The following SLC2A9 variants were observed in gnomAD, a reference collection of about 807,000 sequenced individuals.
SLC2A9 encodes solute carrier family 2, facilitated glucose transporter member 9.
Under a neutral mutation model 50.6 loss-of-function variants are expected in SLC2A9, and 39 were observed. That is an observed-to-expected ratio of 0.77 (90% CI 0.60 to 1.01). The LOEUF (loss-of-function observed/expected upper bound fraction) is 1.01. Ranked by LOEUF, SLC2A9 falls within the 50% of genes least tolerant of loss-of-function variation. The pLI, the probability that SLC2A9 is intolerant of heterozygous loss-of-function variation, is 0.00. For synonymous variants in SLC2A9, 324 were observed against 276.9 expected (o/e 1.17, Z -1.69); for missense variants, 686 against 677.6 (o/e 1.01, Z -0.14).
intron 2 of SLC2A9, among the ~76,000 whole-genome samples, chr4:10,013,653 G>A (rs1469582046): frequency 6.6e-6 from 1 of 152,218 alleles, no homozygotes; most frequent in Non-Finnish European, 1.5e-5. Context: ...CGGCATTACA[G>A]AAAGTTTCCA....
At chr4:9,864,881 T>A (rs1287384920) in intron 10 of SLC2A9, among the ~76,000 whole-genome samples, 2 of 152,250 alleles carry the variant, frequency 1.3e-5, no homozygotes, top group Non-Finnish European at 2.9e-5. Flanking sequence ...AGGGAGATTA[T>A]CCTTGATTAT....
At chr4:9,853,926 A>G (rs1730344284) in intron 10 of SLC2A9, among the ~76,000 whole-genome samples, 2 of 152,222 alleles carry the variant, frequency 1.3e-5, no homozygotes, top group South Asian at 4.1e-4. Flanking sequence ...AGGCAAAAAT[A>G]AAGAAATTGA....
chr4:10,018,943 G>C, intron 2 of SLC2A9, 32 bp downstream of exon 2: 2 of 1,544,004 alleles, frequency 1.3e-6, no homozygotes, highest in Non-Finnish European at 1.8e-6. Flanking sequence ...CAGGGCCGCA[G>C]CGCCCTCTGC....
At chr4:9,952,040 C>T (rs1750380891) in intron 5 of SLC2A9, among the ~76,000 whole-genome samples, 1 of 152,128 alleles carries the variant, frequency 6.6e-6, no homozygotes, top group East Asian at 1.9e-4. Flanking sequence ...TGGAGTTGGC[C>T]CACCTCTGAG....
intron 7 of SLC2A9, among the ~76,000 whole-genome samples, chr4:9,916,996 A>G (rs1742968573): frequency 6.6e-6 from 1 of 152,144 alleles, no homozygotes; most frequent in African/African-American, 2.4e-5. Context: ...AGCTCTCTCC[A>G]GGTGAGGGGA....
intron 1 of SLC2A9, among the ~76,000 whole-genome samples, chr4:10,029,576 AT>A (rs1763867220): frequency 9.7e-5 from 5 of 51,542 alleles, no homozygotes; most frequent in South Asian, 6.5e-4. Flanking sequence ...TTTATTTTAT[AT>A]TTTTATTTTA....
chr4:9,973,653 T>C (rs946242544), intron 5 of SLC2A9, among the ~76,000 whole-genome samples: 9 of 133,126 alleles, frequency 6.8e-5, no homozygotes, highest in Non-Finnish European at 4.6e-5. Flanking sequence ...TAGGTGGGAA[T>C]TGAACAATGA....
chr4:9,853,400 C>CA (rs1455934557), intron 10 of SLC2A9, among the ~76,000 whole-genome samples: 1 of 152,094 alleles, frequency 6.6e-6, no homozygotes, highest in Non-Finnish European at 1.5e-5. Flanking sequence ...ATAAATAACA[C>CA]AAAGAAGTGC....
chr4:9,975,134 C>T (rs1754575253), intron 5 of SLC2A9, among the ~76,000 whole-genome samples: 1 of 152,150 alleles, frequency 6.6e-6, no homozygotes, highest in African/African-American at 2.4e-5. Flanking sequence ...AAATGAAAGA[C>T]CTCAAACTAT....
At chr4:9,935,932 T>G (rs1358955417) in intron 6 of SLC2A9, among the ~76,000 whole-genome samples, 3 of 152,162 alleles carry the variant, frequency 2.0e-5, no homozygotes, top group Admixed American at 2.0e-4. Context: ...TTAAGGGATT[T>G]TTGGGAGCTG....
At position 9,938,270 on chromosome 4, in the gene SLC2A9, A is replaced by ATTT. The variant is rs35270015; in HGVS notation, c.814+3640_814+3642dup. On this transcript the variant is annotated intron_variant, in intron 6 of 11. Transcript: ENST00000264784. ...ACCCATGGATTAATGATCTTTTGCT[A>ATTT]TTTTTTTTTTTTTTTTTTTGAGATG... 3.7e-3 allele frequency among the ~76,000 whole-genome samples: 437 copies of ATTT among 118,192 alleles called. 12 individuals carry two copies. Among genetic ancestry groups the ATTT allele is most frequent in the African/African-American group, 0.013 (408 of 30,256 alleles). The allele number at this position is 118,192 out of a possible 152,430, so 77.5% of individuals were successfully genotyped here. A position where few individuals can be genotyped will look rare whatever the true frequency, so the allele number is the denominator to read the frequency against.
At chr4:10,007,535 T>C (rs1761008649) in intron 2 of SLC2A9, among the ~76,000 whole-genome samples, 1 of 152,174 alleles carries the variant, frequency 6.6e-6, no homozygotes. Flanking sequence ...AGTTGAAACA[T>C]AAAGAAGGTA....
chr4:9,859,582 A>G (rs1213898628), intron 10 of SLC2A9, among the ~76,000 whole-genome samples: 2 of 152,224 alleles, frequency 1.3e-5, no homozygotes, highest in Non-Finnish European at 2.9e-5. Flanking sequence ...TTCAGATTAA[A>G]ACAGGAGATC....
At chr4:9,982,164 G>A (rs955121850) in intron 4 of SLC2A9, among the ~76,000 whole-genome samples, 9 of 152,234 alleles carry the variant, frequency 5.9e-5, no homozygotes, top group Non-Finnish European at 1.0e-4. Flanking sequence ...ACAGGCGTGA[G>A]CCACTGCGCC....
At chr4:9,848,773 C>T (rs1012872546) in intron 10 of SLC2A9, among the ~76,000 whole-genome samples, 5 of 149,732 alleles carry the variant, frequency 3.3e-5, no homozygotes, top group African/African-American at 5.0e-5. Context: ...GGCACGATCT[C>T]GGCTCACTGC....
chr4:9,775,695 T>C (rs1368008758), downstream of SLC2A9, among the ~76,000 whole-genome samples: 3 of 152,142 alleles, frequency 2.0e-5, no homozygotes, highest in Non-Finnish European at 2.9e-5. Context: ...TGCCTGCTCA[T>C]GATTGTAAGC....
upstream of SLC2A9, among the ~76,000 whole-genome samples, chr4:10,025,170 A>C (rs1158464942): frequency 6.6e-6 from 1 of 152,080 alleles, no homozygotes; most frequent in Non-Finnish European, 1.5e-5. Flanking sequence ...AATACAAATA[A>C]ATTTTCCCTG....
intron 3 of SLC2A9, among the ~76,000 whole-genome samples, chr4:9,789,376 A>C (rs1306324408): frequency 2.0e-5 from 3 of 152,224 alleles, no homozygotes; most frequent in Non-Finnish European, 4.4e-5. Context: ...CTGTGTCCTT[A>C]AGAGCTGAGA....
At chr4:10,024,460 G>C (rs1226240567), upstream of SLC2A9, among the ~76,000 whole-genome samples, 5 of 152,222 alleles carry the variant, frequency 3.3e-5, no homozygotes, top group South Asian at 2.1e-4. Context: ...GACACACACA[G>C]AGGGATGACC....
Sources: gnomAD v4.1 joint callset for allele counts (sites outside exome capture counted in the v4.1 genomes callset) on GRCh38, gnomAD v4.1.1 for gene constraint, MANE v1.5 for transcripts, NCBI Gene and HGNC (gene_info 2026-07-23, HGNC 2026-07-21) for gene names.